KIF5B: variants seen among roughly 807,000 people sequenced by gnomAD.
KIF5B encodes the protein kinesin-1 heavy chain.
Under a neutral mutation model 132.8 loss-of-function variants are expected in KIF5B, and 49 were observed. The ratio of observed to expected loss-of-function variants is 0.37; its 90% CI spans 0.29 to 0.47. The LOEUF is 0.47. Among genes scored for constraint, KIF5B ranks in the 20% least tolerant of loss-of-function variants. KIF5B has a pLI of 1.00. For missense variants in KIF5B, 780 were observed against 1,144.0 expected (o/e 0.68, Z 4.59); for synonymous variants, 355 against 369.4 (o/e 0.96, Z 0.45).
intron 1 of KIF5B, among the ~76,000 whole-genome samples, chr10:32,051,873 C>T (rs746469134): frequency 2.0e-5 from 3 of 152,132 alleles, no homozygotes; most frequent in Non-Finnish European, 4.4e-5. Context: ...TAAAGAAAAA[C>T]TCATCTGGAC....
chr10:32,017,365 C>A lies in KIF5B; in HGVS notation c.2545-6G>T, dbSNP rs370648605. 82 of 1,607,868 alleles carry A rather than the reference C, an allele frequency of 5.1e-5. No homozygotes were observed. The highest frequency in any genetic ancestry group is 6.9e-5 in the Non-Finnish European group (81 of 1,175,532). ...TCTGCATTATCACGTACCAACTAAA[C>A]GTACACAAAGAAAACAAGGATTCCA... On this transcript the variant is annotated splice_region_variant and splice_polypyrimidine_tract_variant and intron_variant, in intron 23 of 25. Transcript: ENST00000302418.
rs569432575 is a variant in KIF5B at position 32,014,599 on chromosome 10, T to C, written c.*20+910A>G. Among the ~76,000 whole-genome samples the C allele has an allele frequency of 2.8e-3, 430 of 152,254 alleles. 4 individuals carry two copies. Among genetic ancestry groups the C allele is most frequent in the African/African-American group, 9.7e-3 (404 of 41,546 alleles). ...TATATTGTGTAGTATCTCTAGATTT[T>C]TTCTAATTTGTGACTGTTTTATGCC... On this transcript the variant is annotated intron_variant, in intron 25 of 25. Coordinates refer to ENST00000302418, the MANE Select transcript of KIF5B (RefSeq NM_004521.3).
chr10:32,023,127 A>G, intron 15 of KIF5B, 91 bp from the exon 16 acceptor site: 1 of 614,790 alleles, frequency 1.6e-6, no homozygotes, highest in South Asian at 4.0e-5. Flanking sequence ...TATAAAATAT[A>G]TTTTAGTATT....
chr10:32,044,008 T>C (rs1352306056), intron 2 of KIF5B, among the ~76,000 whole-genome samples: 1 of 152,164 alleles, frequency 6.6e-6, no homozygotes, highest in Non-Finnish European at 1.5e-5. Flanking sequence ...ATGTATTTAA[T>C]TGCTTTCCTG....
At position 32,034,006 on chromosome 10, in the gene KIF5B, T is replaced by G; in HGVS notation, c.1144A>C (p.Lys382Gln). 6.3e-7 allele frequency: 1 copy of G among 1,597,490 alleles called. No homozygotes were observed. The highest frequency in any genetic ancestry group is 2.3e-5 in the East Asian group (1 of 43,938). Residue 382 changes from lysine (K) to glutamine (Q), a missense_variant, in exon 12 of 26, where the codon AAA (lysine) becomes CAA (glutamine). Lys to Gln is a moderately conservative substitution (Grantham distance 53). This residue lies in a region of KIF5B where 471 missense variants were observed against 569.9 expected (regional missense o/e 0.83). Transcript: ENST00000302418. ...ETVPIDEQFD[K>Q]EKANLEAFTV... ...AAAGCTTCCAAGTTGGCTTTCTCTT[T>G]GTCAAACTGTTCATCAATAGGCACC... is the stretch of plus-strand genomic sequence containing the variant.
At chr10:32,014,304 T>C (rs1841127260) in intron 25 of KIF5B, among the ~76,000 whole-genome samples, 1 of 151,820 alleles carries the variant, frequency 6.6e-6, no homozygotes, top group Admixed American at 6.6e-5. Flanking sequence ...GGCAGGAGAA[T>C]CGCTTCAACC....
At chr10:32,018,447 T>C in intron 21 of KIF5B, 55 bp downstream of exon 21, 1 of 1,589,982 alleles carries the variant, frequency 6.3e-7, no homozygotes, top group Non-Finnish European at 8.5e-7. Context: ...ATAATCATGG[T>C]AGAAAAAACC....
chr10:32,052,171 A>C (rs1481177024), intron 1 of KIF5B, among the ~76,000 whole-genome samples: 2 of 152,188 alleles, frequency 1.3e-5, no homozygotes, highest in African/African-American at 4.8e-5. Context: ...TCTGGCAGGG[A>C]TATGTCTTTC....
In KIF5B at chr10:32,018,532, T is replaced by C; in HGVS notation, c.2337A>G (p.Arg779=). 6.2e-7 allele frequency: 1 copy of C among 1,613,502 alleles called. No homozygotes were observed. Among genetic ancestry groups the C allele is most frequent in the Non-Finnish European group, 8.5e-7 (1 of 1,179,604 alleles). Residue 779 remains arginine (R), a synonymous_variant, in exon 21 of 26, where the codon AGA becomes AGG. Transcript: ENST00000302418. ...TCTCTTCCAAACCCTTCAAGTCTTGTCTTGCTTGTTCTCGTCTATCTTGCA... is the reference window on the plus strand; with the variant it reads ...TCTCTTCCAAACCCTTCAAGTCTTGCCTTGCTTGTTCTCGTCTATCTTGCA... ...TVMQDRREQA[R]QDLKGLEETV...
rs567937377 is a variant in KIF5B, at chr10:32,013,763, AAC to A, written c.*20+1744_*20+1745del. On this transcript the variant is annotated intron_variant, in intron 25 of 25. Coordinates refer to ENST00000302418, the MANE Select transcript of KIF5B (RefSeq NM_004521.3). The stretch of plus-strand genomic sequence containing the variant: ...CCATAATTTTTATGAAGTACTGTAA[AAC>A]AAGTCAGAATGAGAAAAAAACTATT... Among the ~76,000 whole-genome samples the A allele has an allele frequency of 3.9e-5, 6 of 152,326 alleles. No individual in the cohort carries two copies. In the South Asian group the frequency reaches 1.2e-3, roughly 32 times the overall value.
chr10:32,037,797 A>G (rs886586739), intron 6 of KIF5B, among the ~76,000 whole-genome samples, 190 bp from the exon 7 acceptor site: 19 of 150,914 alleles, frequency 1.3e-4, no homozygotes, highest in Non-Finnish European at 2.8e-4. Flanking sequence ...CATGCCATGC[A>G]CTCCAGCCTG....
At chr10:32,038,250 C>T in intron 5 of KIF5B, 32 bp from the exon 6 acceptor site, 3 of 1,457,992 alleles carry the variant, frequency 2.1e-6, no homozygotes, top group Non-Finnish European at 2.9e-6. Context: ...TAGCAACATT[C>T]TCCTAAAACT....
At chr10:32,053,340 T>C (rs1365899428) in intron 1 of KIF5B, among the ~76,000 whole-genome samples, 1 of 151,940 alleles carries the variant, frequency 6.6e-6, no homozygotes, top group Non-Finnish European at 1.5e-5. Flanking sequence ...AACTAGTTTC[T>C]GAAAACAATG....
In KIF5B at chr10:32,011,031, T is replaced by A. The variant is rs572307586; in HGVS notation, c.*506A>T. The A allele has an allele frequency of 3.3e-5, 5 of 152,220 alleles. No homozygotes were observed. Among genetic ancestry groups the A allele is most frequent in the Non-Finnish European group, 5.9e-5 (4 of 67,988 alleles). The allele number at this position is 152,220 out of a possible 1,614,324, so 9.4% of individuals were successfully genotyped here. A position where few individuals can be genotyped will look rare whatever the true frequency, so the allele number is the denominator to read the frequency against. On this transcript the variant is annotated 3_prime_UTR_variant, in exon 26 of 26. Coordinates refer to ENST00000302418, the MANE Select transcript of KIF5B (RefSeq NM_004521.3). The stretch of plus-strand genomic sequence containing the variant: ...TGACTGGATATATTTTATGGGCATG[T>A]AGTGTTGTTAAGTGGTAAAATTTAA...
intron 1 of KIF5B, among the ~76,000 whole-genome samples, chr10:32,050,708 A>T (rs1220014089): frequency 6.6e-6 from 1 of 152,378 alleles, no homozygotes; most frequent in Admixed American, 6.5e-5. Flanking sequence ...AATTTAAAAT[A>T]GGCATCGATG....
At chr10:32,040,640 C>CAG (rs1454394672) in intron 2 of KIF5B, among the ~76,000 whole-genome samples, 183 bp from the exon 3 acceptor site, 1 of 148,984 alleles carries the variant, frequency 6.7e-6, no homozygotes, top group Non-Finnish European at 1.5e-5. Context: ...CACACACACA[C>CAG]ACACACACAC....
At chr10:32,047,214 CCT>C (rs1490978461) in intron 2 of KIF5B, among the ~76,000 whole-genome samples, 1 of 152,250 alleles carries the variant, frequency 6.6e-6, no homozygotes, top group Admixed American at 6.5e-5. Flanking sequence ...CGTCCAGTAC[CCT>C]GATTCCAACA....
chr10:32,048,927 G>A (rs1841651420), intron 1 of KIF5B, among the ~76,000 whole-genome samples: 1 of 152,076 alleles, frequency 6.6e-6, no homozygotes, highest in Admixed American at 6.6e-5. Context: ...GGAGTGCAGT[G>A]GCACAATCAC....
At chr10:32,033,087 C>T (rs903155964) in intron 12 of KIF5B, among the ~76,000 whole-genome samples, 4 of 152,186 alleles carry the variant, frequency 2.6e-5, no homozygotes, top group Non-Finnish European at 5.9e-5. Flanking sequence ...CTATTACGTT[C>T]TTAGTTTGCT....
Sources: allele counts gnomAD v4.1 joint callset (sites outside exome capture counted in the v4.1 genomes callset), GRCh38; gene constraint gnomAD v4.1.1; regional missense constraint gnomAD v4.1.1; transcripts MANE v1.5; gene names NCBI Gene and HGNC (gene_info 2026-07-23, HGNC 2026-07-21).